Variants in PDCD6IP observed in about 807,000 individuals in gnomAD.
PDCD6IP encodes the protein programmed cell death 6-interacting protein.
In PDCD6IP, 43 loss-of-function variants were observed where a neutral mutation model predicts 103.7. That is an observed-to-expected ratio of 0.41 (90% CI 0.32 to 0.53). PDCD6IP has a LOEUF of 0.53. Among genes scored for constraint, PDCD6IP ranks in the 20% least tolerant of loss-of-function variants. The pLI is 0.16. For synonymous variants in PDCD6IP, 354 were observed against 378.7 expected (o/e 0.93, Z 0.76); for missense variants, 871 against 1,036.7 (o/e 0.84, Z 2.20).
intron 1 of PDCD6IP, among the ~76,000 whole-genome samples, chr3:33,806,444 AC>A (rs1696600232): frequency 6.6e-6 from 1 of 152,242 alleles, no homozygotes; most frequent in South Asian, 2.1e-4. Flanking sequence ...AAAGACTGTG[AC>A]ATTATACCTT....
At chr3:33,863,043 TGTA>T (rs1697986879) in intron 15 of PDCD6IP, among the ~76,000 whole-genome samples, 1 of 152,160 alleles carries the variant, frequency 6.6e-6, no homozygotes, top group Non-Finnish European at 1.5e-5. Context: ...AGAATAAAAA[TGTA>T]GTATATTTTG....
intron 15 of PDCD6IP, 158 bp from the exon 16 acceptor site, chr3:33,863,848 A>G: frequency 1.6e-6 from 1 of 611,904 alleles, no homozygotes; most frequent in Non-Finnish European, 2.9e-6. Flanking sequence ...TGTTTTCCAT[A>G]GTCACTGTAC....
chr3:33,863,479 G>C (rs1466628953), intron 15 of PDCD6IP, among the ~76,000 whole-genome samples: 1 of 151,940 alleles, frequency 6.6e-6, no homozygotes, highest in Non-Finnish European at 1.5e-5. Flanking sequence ...CTGTCTCCTT[G>C]TTTTTAGCTC....
intron 9 of PDCD6IP, among the ~76,000 whole-genome samples, chr3:33,839,230 C>G (rs1697417924): frequency 6.6e-6 from 1 of 152,136 alleles, no homozygotes; most frequent in African/African-American, 2.4e-5. Context: ...TCTTTTAGCC[C>G]CTGGCCGCTA....
rs1199368996 is a variant in PDCD6IP, at chr3:33,866,508, T to TA, written c.2591dup (p.Tyr864Ter). The change falls in exon 18 of 18, where the codon TAC becomes TAAC. Residue 864 changes from tyrosine (Y) to a stop codon, truncating the protein, a stop_gained and frameshift_variant. Coordinates refer to ENST00000307296, the MANE Select transcript of PDCD6IP (RefSeq NM_013374.6). LOFTEE classifies it high-confidence loss of function. Reference sequence around the variant, plus strand: ...CTTCCCTCAGCCCCCACAGCAGTCTTACTATCCACAGCAGTAATATGTCTG... The same window carrying TA: ...CTTCCCTCAGCCCCCACAGCAGTCTTAACTATCCACAGCAGTAATATGTCTG... ...YPFPQPPQQS[Y>*]YPQQ The TA allele has an allele frequency of 5.6e-6, 9 of 1,606,776 alleles. No homozygotes were observed. Among genetic ancestry groups the TA allele is most frequent in the Non-Finnish European group, 6.8e-6 (8 of 1,177,840 alleles).
In PDCD6IP at chr3:33,868,264, A is replaced by G. The variant is rs1698109759; in HGVS notation, c.*1739A>G. The G allele has an allele frequency of 6.6e-6, 1 of 152,242 alleles. No individual in the cohort carries two copies. The highest frequency in any genetic ancestry group is 2.1e-4 in the South Asian group (1 of 4,834). The allele number at this position is 152,242 out of a possible 1,614,324, so 9.4% of individuals were successfully genotyped here. On this transcript the variant is annotated 3_prime_UTR_variant, in exon 18 of 18. Coordinates refer to ENST00000307296, the MANE Select transcript of PDCD6IP (RefSeq NM_013374.6). ...AGACAGTGAGAGTTAGAGGTATTAC[A>G]AGTTGCTAGTTTATAATGTCTTACT...
At chr3:33,862,533 CAGAATTTTCTAATAT>C (rs1697976908) in intron 15 of PDCD6IP, among the ~76,000 whole-genome samples, 1 of 152,132 alleles carries the variant, frequency 6.6e-6, no homozygotes, top group Non-Finnish European at 1.5e-5. Context: ...TTAGAGGAGA[CAGAATTTTCTAATAT>C]TTAATACTAA....
At chr3:33,841,423 CT>C (rs1263233791) in intron 9 of PDCD6IP, among the ~76,000 whole-genome samples, 26 of 118,722 alleles carry the variant, frequency 2.2e-4, no homozygotes, top group Admixed American at 1.1e-3. Context: ...TTCTGTTAAT[CT>C]TTGCTTTGCT....
In PDCD6IP at chr3:33,836,921, T is replaced by C. The variant is rs892194352; in HGVS notation, c.1057+655T>C. Among the ~76,000 whole-genome samples, 4 of 151,406 alleles carry C rather than the reference T, an allele frequency of 2.6e-5. No homozygotes were observed. In the South Asian group the frequency reaches 8.4e-4, roughly 32 times the overall value. On this transcript the variant is annotated intron_variant, in intron 8 of 17. Coordinates refer to ENST00000307296, the MANE Select transcript of PDCD6IP (RefSeq NM_013374.6). The stretch of plus-strand genomic sequence containing the variant: ...ATAAACCACAAAAATATATATTTTT[T>C]TCTTTTCTTTTTTTTTTGAGACGGA...
At chr3:33,800,610 T>C (rs1009000861) in intron 1 of PDCD6IP, among the ~76,000 whole-genome samples, 9 of 152,226 alleles carry the variant, frequency 5.9e-5, no homozygotes, top group African/African-American at 2.2e-4. Context: ...TCTAATAGCA[T>C]AAGCATTTTT....
Position 33,866,669 on chromosome 3 carries a change from A to T in PDCD6IP, c.*144A>T. 5.4e-6 allele frequency: 3 copies of T among 551,570 alleles called. No homozygotes were observed. The highest frequency in any genetic ancestry group is 5.8e-6 in the Non-Finnish European group (2 of 344,416). The allele number at this position is 551,570 out of a possible 1,614,324, so 34.2% of individuals were successfully genotyped here. On this transcript the variant is annotated 3_prime_UTR_variant, in exon 18 of 18. Coordinates refer to ENST00000307296, the MANE Select transcript of PDCD6IP (RefSeq NM_013374.6). Reference sequence around the variant, plus strand: ...GTGTATAATTTCTGTCTACAGCTAGAAGCTGTGCCCCAGTTCCACATTTGA... The same window carrying T: ...GTGTATAATTTCTGTCTACAGCTAGTAGCTGTGCCCCAGTTCCACATTTGA...
chr3:33,828,788 A>T, intron 6 of PDCD6IP, 65 bp from the exon 7 acceptor site: 1 of 1,583,780 alleles, frequency 6.3e-7, no homozygotes, highest in Admixed American at 1.7e-5. Flanking sequence ...TTCTTCCTGC[A>T]TCCCATGTTG....
intron 17 of PDCD6IP, 61 bp from the exon 18 acceptor site, chr3:33,866,287 GATT>G (rs761155846): frequency 3.9e-6 from 4 of 1,032,856 alleles, no homozygotes; most frequent in East Asian, 5.4e-5. Context: ...GTTCTAGAAT[GATT>G]ATTGTTTTAT....
rs769654741 is a variant in PDCD6IP, at chr3:33,836,240, A to G, written c.1031A>G (p.Asn344Ser). 4.4e-6 allele frequency: 7 copies of G among 1,609,120 alleles called. No individual in the cohort carries two copies. Among genetic ancestry groups the G allele is most frequent in the East Asian group, 2.2e-5 (1 of 44,822 alleles). The change falls in exon 8 of 18, where the codon AAT becomes AGT. Residue 344 changes from asparagine to serine, a missense_variant. This residue lies in a region of PDCD6IP where 242 missense variants were observed against 250.7 expected (regional missense o/e 0.97). Coordinates refer to ENST00000307296, the MANE Select transcript of PDCD6IP (RefSeq NM_013374.6). ...ACACTTGTGAAATCTACCCCGGTCA[A>G]TGTACCCATCAGTCAGAAATTTACT... ...KATLVKSTPV[N>S]VPISQKFTDL...
intron 4 of PDCD6IP, among the ~76,000 whole-genome samples, chr3:33,824,288 C>T (rs1187154541): frequency 4.1e-5 from 6 of 147,006 alleles, no homozygotes; most frequent in South Asian, 2.1e-4. Flanking sequence ...GATGGAGTCT[C>T]GCTCTGTTGC....
At chr3:33,834,155 C>T (rs1020629356) in intron 7 of PDCD6IP, among the ~76,000 whole-genome samples, 3 of 152,142 alleles carry the variant, frequency 2.0e-5, no homozygotes, top group African/African-American at 7.2e-5. Context: ...TTCTTTTTCT[C>T]ACCAGCTCTC....
chr3:33,814,032 A>G (rs995137841), intron 3 of PDCD6IP, among the ~76,000 whole-genome samples: 3 of 152,232 alleles, frequency 2.0e-5, no homozygotes, highest in Non-Finnish European at 2.9e-5. Flanking sequence ...AATCATAACC[A>G]TAGGTCAGAA....
At chr3:33,851,680 C>G (rs1697717994) in intron 12 of PDCD6IP, among the ~76,000 whole-genome samples, 1 of 151,856 alleles carries the variant, frequency 6.6e-6, no homozygotes, top group African/African-American at 2.4e-5. Context: ...ACTTTGTTGC[C>G]TAGGCTGATC....
chr3:33,845,686 A>T (rs11928817), intron 12 of PDCD6IP, 98 bp downstream of exon 12: 112,829 of 874,280 alleles, frequency 0.13, 10,378 homozygotes, highest in East Asian at 0.38. Context: ...TGTCAACTTT[A>T]AAAAAATGCA....
Sources: gnomAD v4.1 joint callset for allele counts (sites outside exome capture counted in the v4.1 genomes callset) on GRCh38, gnomAD v4.1.1 for gene constraint, gnomAD v4.1.1 regional missense constraint, MANE v1.5 for transcripts, NCBI Gene and HGNC (gene_info 2026-07-23, HGNC 2026-07-21) for gene names.